The following ABL1 variants were observed in gnomAD, a reference collection of about 807,000 sequenced individuals.
The protein encoded by ABL1 is ABL proto-oncogene 1, non-receptor tyrosine kinase, also known as tyrosine-protein kinase ABL1.
ABL1 carries 11 observed loss-of-function variants against 94.7 expected under a neutral mutation model. The ratio of observed to expected loss-of-function variants is 0.12; its 90% CI spans 0.07 to 0.19. The LOEUF is 0.19. ABL1 is among the 10% of genes least tolerant of loss of function. The pLI is 1.00. For synonymous variants in ABL1, 656 were observed against 622.4 expected (o/e 1.05, Z -0.80); for missense variants, 1,082 against 1,489.4 (o/e 0.73, Z 4.50).
At chr9:130,876,041 T>C (rs1274478083) in intron 7 of ABL1, among the ~76,000 whole-genome samples, 1 of 152,216 alleles carries the variant, frequency 6.6e-6, no homozygotes, top group African/African-American at 2.4e-5. Flanking sequence ...TTGGCCAGGA[T>C]GGTCTCCAAC....
chr9:130,803,617 G>A (rs895134177), intron 1 of ABL1, among the ~76,000 whole-genome samples: 3 of 152,120 alleles, frequency 2.0e-5, no homozygotes, highest in Non-Finnish European at 4.4e-5. Context: ...AGGATAAAAA[G>A]GAAAGGAATC....
At chr9:130,832,621 A>C (rs927015326), upstream of ABL1, among the ~76,000 whole-genome samples, 11 of 152,256 alleles carry the variant, frequency 7.2e-5, no homozygotes, top group Admixed American at 2.0e-4. Context: ...GTGAGGCTTA[A>C]GAGTGCCTGG....
chr9:130,886,928 G>A lies in ABL1; in HGVS notation c.*1245G>A, dbSNP rs1159324038. 1 of 232,812 alleles carries A rather than the reference G, an allele frequency of 4.3e-6. No individual in the cohort carries two copies. Among genetic ancestry groups the A allele is most frequent in the Non-Finnish European group, 8.5e-6 (1 of 117,796 alleles). The allele number at this position is 232,812 out of a possible 1,614,324, so 14.4% of individuals were successfully genotyped here. A position where few individuals can be genotyped will look rare whatever the true frequency, so the allele number is the denominator to read the frequency against. ...TGAGTGACATAGCCTCATGTTCTGT[G>A]GGGGTCATCAGGGAGGGTTAGGAAA... On this transcript the variant is annotated 3_prime_UTR_variant, in exon 11 of 11. Coordinates refer to ENST00000318560, the MANE Select transcript of ABL1 (RefSeq NM_005157.6).
At chr9:130,818,394 C>T (rs1311917345) in intron 1 of ABL1, among the ~76,000 whole-genome samples, 2 of 152,070 alleles carry the variant, frequency 1.3e-5, no homozygotes, top group Non-Finnish European at 2.9e-5. Context: ...CACTTGAACC[C>T]TGGAGGAAGA....
intron 1 of ABL1, among the ~76,000 whole-genome samples, chr9:130,801,514 C>T (rs1830054073): frequency 6.6e-6 from 1 of 152,232 alleles, no homozygotes; most frequent in Non-Finnish European, 1.5e-5. Context: ...GCGTGAGCCA[C>T]CAAGCCCAGC....
In ABL1 at chr9:130,812,937, G is replaced by A. The variant is rs544501203; in HGVS notation, c.137-41127G>A. 4.5e-3 allele frequency among the ~76,000 whole-genome samples: 693 copies of A among 152,326 alleles called. 7 individuals are homozygous for A. The highest frequency in any genetic ancestry group is 0.016 in the African/African-American group (664 of 41,566). ...CCATTTTAAAAGCCTCAGTAGACCC[G>A]GCGGGTTGGCTCACGCCTGTAATCC... On this transcript the variant is annotated intron_variant, in intron 1 of 10. Transcript: ENST00000372348.
chr9:130,884,972 G>C lies in ABL1; in HGVS notation c.2682G>C (p.Arg894Ser). 6.2e-7 allele frequency: 1 copy of C among 1,610,770 alleles called. No homozygotes were observed. The highest frequency in any genetic ancestry group is 1.1e-5 in the South Asian group (1 of 90,892). Residue 894 changes from arginine (R) to serine (S), a missense_variant, in exon 11 of 11, where the codon AGG becomes AGC. Coordinates refer to ENST00000318560, the MANE Select transcript of ABL1 (RefSeq NM_005157.6). The surrounding 1 kb of genome is among the most constrained non-coding windows in gnomAD (Gnocchi z 5.6). ...GGAGGGACAAGGGGAAATTGTCCAG[G>C]CTCAAACCTGCCCCGCCGCCCCCAC... The part of the protein sequence containing the change: ...SPGRDKGKLS[R>S]LKPAPPPPPA...
At chr9:130,767,839 G>A (rs185805203) in intron 1 of ABL1, among the ~76,000 whole-genome samples, 92 of 152,270 alleles carry the variant, frequency 6.0e-4, no homozygotes, top group African/African-American at 2.1e-3. Context: ...CTGCATTTGA[G>A]AAAATAAAGT....
chr9:130,861,791 G>A (rs1831077010), intron 3 of ABL1, among the ~76,000 whole-genome samples: 1 of 152,194 alleles, frequency 6.6e-6, no homozygotes. Flanking sequence ...TGTGCCTGGA[G>A]TCCAGATGTT....
chr9:130,884,554 A>C lies in ABL1; in HGVS notation c.2264A>C (p.His755Pro). The C allele has an allele frequency of 6.2e-7, 1 of 1,613,222 alleles. No individual in the cohort carries two copies. Among genetic ancestry groups the C allele is most frequent in the South Asian group, 1.1e-5 (1 of 91,086 alleles). The change falls in exon 11 of 11, where the codon CAC (histidine) becomes CCC (proline). Residue 755 changes from histidine (H) to proline (P), a missense_variant. By Grantham distance (77) the His-to-Pro change is moderately conservative (BLOSUM62 -2). Around this residue, in one of 7 missense-constraint regions of ABL1, gnomAD observed 780 missense variants for 835.8 expected, o/e 0.93. Coordinates refer to ENST00000318560, the MANE Select transcript of ABL1 (RefSeq NM_005157.6). The surrounding 1 kb of genome is among the most constrained non-coding windows in gnomAD (Gnocchi z 5.6). ...RQFDSSTFGG[H>P]KSEKPALPRK... is the part of the protein sequence containing the mutation. Reference sequence around the variant, plus strand: ...TTTGACTCGTCCACATTTGGAGGGCACAAAAGTGAGAAGCCGGCTCTGCCT... The same window carrying C: ...TTTGACTCGTCCACATTTGGAGGGCCCAAAAGTGAGAAGCCGGCTCTGCCT...
At chr9:130,879,291 A>G (rs983547444) in intron 8 of ABL1, among the ~76,000 whole-genome samples, 2 of 152,030 alleles carry the variant, frequency 1.3e-5, no homozygotes, top group African/African-American at 4.8e-5. Context: ...CATTTCTTAC[A>G]CTGTTTTCCC....
At chr9:130,841,895 C>T (rs1030519571) in intron 1 of ABL1, among the ~76,000 whole-genome samples, 1 of 146,090 alleles carries the variant, frequency 6.8e-6, no homozygotes, top group African/African-American at 2.6e-5. Flanking sequence ...GTGTTGAGTA[C>T]TGGTGATAGG....
At chr9:130,875,531 A>G (rs1831326084) in intron 7 of ABL1, among the ~76,000 whole-genome samples, 1 of 151,322 alleles carries the variant, frequency 6.6e-6, no homozygotes, top group African/African-American at 2.4e-5. Flanking sequence ...AGTCTCCTCT[A>G]TAAGCCCCCT....
At chr9:130,819,518 G>A (rs149929586) in intron 1 of ABL1, among the ~76,000 whole-genome samples, 1 of 148,668 alleles carries the variant, frequency 6.7e-6, no homozygotes, top group African/African-American at 2.5e-5. Context: ...AGACCAGGAA[G>A]TGAAGAAAAA....
rs551115271 is a variant in ABL1 at position 130,871,688 on chromosome 9, G to A, written c.823-441G>A. Among the ~76,000 whole-genome samples, 21 of 152,324 alleles carry A rather than the reference G, an allele frequency of 1.4e-4. No homozygotes were observed. The South Asian group carries it at 2.3e-3, about 17-fold the overall frequency. ...ATGAGGGTCTCTTCCCTTAAATCAG[G>A]TACATTTCAGATTCTTCAGGTGATG... On this transcript the variant is annotated intron_variant, in intron 4 of 10. Coordinates refer to ENST00000318560, the MANE Select transcript of ABL1 (RefSeq NM_005157.6).
At position 130,862,769 on chromosome 9, in the gene ABL1, G is replaced by A. The variant is rs756003964; in HGVS notation, c.556G>A (p.Val186Ile). 13 of 1,613,476 alleles carry A rather than the reference G, an allele frequency of 8.1e-6. No individual in the cohort carries two copies. Among genetic ancestry groups the A allele is most frequent in the South Asian group, 2.2e-5 (2 of 91,048 alleles). ...INTASDGKLY[V>I]SSESRFNTLA... ...TGTTCCCTGTTTCCTTCAGCTCTAC[G>A]TCTCCTCCGAGAGCCGCTTCAACAC... Residue 186 changes from valine (V) to isoleucine (I), a missense_variant, in exon 4 of 11, where the codon GTC becomes ATC. Physicochemically the swap from Val to Ile is conservative, Grantham distance 29. Transcript: ENST00000318560. The surrounding 1 kb of genome is among the most constrained non-coding windows in gnomAD (Gnocchi z 5.5).
At position 130,884,411 on chromosome 9, in the gene ABL1, C is replaced by T. The variant is rs551159312; in HGVS notation, c.2121C>T (p.Gly707=). 2.5e-6 allele frequency: 4 copies of T among 1,611,964 alleles called. No individual in the cohort carries two copies. The highest frequency in any genetic ancestry group is 3.4e-6 in the Non-Finnish European group (4 of 1,179,794). ...RLATGEEEGG[G]SSSKRFLRSC... ...CCACCGGCGAGGAGGAGGGCGGTGG[C>T]AGCTCCAGCAAGCGCTTCCTGCGCT... Residue 707 remains glycine (G), a synonymous_variant, in exon 11 of 11, where the codon GGC becomes GGT. Coordinates refer to ENST00000318560, the MANE Select transcript of ABL1 (RefSeq NM_005157.6). This position sits in a 1 kb window ranked among gnomAD's most constrained non-coding sequence, Gnocchi z 5.6.
intron 1 of ABL1, among the ~76,000 whole-genome samples, chr9:130,841,194 C>T (rs1830664437): frequency 6.6e-6 from 1 of 151,870 alleles, no homozygotes; most frequent in African/African-American, 2.4e-5. Flanking sequence ...GTCGCCCAGA[C>T]TGGAGTGCAG....
chr9:130,817,069 C>A (rs1012440776), intron 1 of ABL1, among the ~76,000 whole-genome samples: 1 of 152,138 alleles, frequency 6.6e-6, no homozygotes, highest in Admixed American at 6.5e-5. Flanking sequence ...CTTTCCTGAC[C>A]TTAGAATTTT....
Sources: allele counts gnomAD v4.1 joint callset (sites outside exome capture counted in the v4.1 genomes callset), GRCh38; gene constraint gnomAD v4.1.1; regional missense constraint gnomAD v4.1.1; non-coding constraint Gnocchi (gnomAD v3.1); transcripts MANE v1.5; gene names NCBI Gene and HGNC (gene_info 2026-07-23, HGNC 2026-07-21).